Variants in CFAP210 observed in about 807,000 individuals in gnomAD.
CFAP210 encodes the protein cilia- and flagella- associated protein 210.
chr2:169,660,433 T>C, the CFAP210 span, among the ~76,000 whole-genome samples: 7 of 151,598 alleles, frequency 4.6e-5, no homozygotes, highest in African/African-American at 1.7e-4. Context: ...TTTTTTTTGT[T>C]TTGTTTTGTT....
At chr2:169,674,682 C>G in the CFAP210 span, 1 of 1,610,566 alleles carries the variant, frequency 6.2e-7, no homozygotes, top group Non-Finnish European at 8.5e-7. Context: ...AACTGTTCCT[C>G]CCATTTTTTA....
chr2:169,657,732 C>CA, the CFAP210 span, among the ~76,000 whole-genome samples: 55 of 144,878 alleles, frequency 3.8e-4, no homozygotes, highest in South Asian at 1.3e-3. Flanking sequence ...CAAAATGAAA[C>CA]AAAAAAAAAA....
chr2:169,693,675 T>C, the CFAP210 span, among the ~76,000 whole-genome samples: 1 of 152,228 alleles, frequency 6.6e-6, no homozygotes, highest in Non-Finnish European at 1.5e-5. Context: ...CAAATTGTTA[T>C]AACAGGTCAC....
chr2:169,674,021 T>C, the CFAP210 span, among the ~76,000 whole-genome samples: 59 of 152,344 alleles, frequency 3.9e-4, no homozygotes, highest in Non-Finnish European at 6.0e-4. Context: ...TCTACTTCTC[T>C]GTTCCATTAT....
the CFAP210 span, among the ~76,000 whole-genome samples, chr2:169,651,554 C>T: frequency 6.6e-6 from 1 of 151,764 alleles, no homozygotes; most frequent in Admixed American, 6.6e-5. Flanking sequence ...GGGAGTTTCA[C>T]CATGTACCCA....
the CFAP210 span, among the ~76,000 whole-genome samples, chr2:169,684,249 T>G: frequency 6.6e-6 from 1 of 152,086 alleles, no homozygotes; most frequent in African/African-American, 2.4e-5. Flanking sequence ...TACCTAAAAG[T>G]GTCTAAAATC....
chr2:169,666,826 T>G, the CFAP210 span, among the ~76,000 whole-genome samples: 1 of 152,158 alleles, frequency 6.6e-6, no homozygotes. Flanking sequence ...AATCCTTTGC[T>G]GCCATTTGAA....
At chr2:169,676,699 T>C in the CFAP210 span, among the ~76,000 whole-genome samples, 4 of 152,186 alleles carry the variant, frequency 2.6e-5, no homozygotes, top group African/African-American at 9.6e-5. Context: ...ATTATGACCA[T>C]TGTTCCTAAA....
the CFAP210 span, among the ~76,000 whole-genome samples, chr2:169,652,388 G>T: frequency 1.9e-4 from 29 of 152,280 alleles, no homozygotes; most frequent in African/African-American, 6.3e-4. Context: ...TTTATTGATT[G>T]CTTACTATGC....
chr2:169,687,702 G>A, the CFAP210 span, among the ~76,000 whole-genome samples: 1 of 152,178 alleles, frequency 6.6e-6, no homozygotes, highest in African/African-American at 2.4e-5. Flanking sequence ...CAGGCGCATG[G>A]TGCAAGCTGT....
chr2:169,692,171 G>A, the CFAP210 span, among the ~76,000 whole-genome samples: 1 of 152,042 alleles, frequency 6.6e-6, no homozygotes, highest in African/African-American at 2.4e-5. Flanking sequence ...AGCCCCCTAT[G>A]GACATATCAC....
the CFAP210 span, among the ~76,000 whole-genome samples, chr2:169,682,499 C>T: frequency 6.6e-6 from 1 of 152,098 alleles, no homozygotes. Context: ...CACACACACA[C>T]ACACAAACTG....
the CFAP210 span, among the ~76,000 whole-genome samples, chr2:169,682,028 T>C: frequency 6.6e-6 from 1 of 152,222 alleles, no homozygotes; most frequent in Non-Finnish European, 1.5e-5. Context: ...ACCTGAAGCC[T>C]GGAGTTCCTG....
the CFAP210 span, chr2:169,680,979 T>C: frequency 4.5e-6 from 7 of 1,572,482 alleles, no homozygotes; most frequent in South Asian, 2.2e-5. Flanking sequence ...CTTCAGTGCA[T>C]GTGTACTCCT....
chr2:169,666,669 C>T, the CFAP210 span, among the ~76,000 whole-genome samples: 1 of 151,834 alleles, frequency 6.6e-6, no homozygotes, highest in Admixed American at 6.6e-5. Flanking sequence ...TGAAGTTTGC[C>T]ATATTCATTG....
chr2:169,685,000 A>G, the CFAP210 span, among the ~76,000 whole-genome samples: 1 of 152,216 alleles, frequency 6.6e-6, no homozygotes, highest in Non-Finnish European at 1.5e-5. Context: ...CTATAGAAGT[A>G]GCACATTTTG....
chr2:169,665,638 T>A, the CFAP210 span, among the ~76,000 whole-genome samples: 15,205 of 152,242 alleles, frequency 0.1, 967 homozygotes, highest in Middle Eastern at 0.19. Flanking sequence ...ATGGGCAGCC[T>A]ACAACAGAGA....
At chr2:169,650,926 C>T in the CFAP210 span, among the ~76,000 whole-genome samples, 1,349 of 151,602 alleles carry the variant, frequency 8.9e-3, 20 homozygotes, top group African/African-American at 0.031. Context: ...ATGGCAAGAC[C>T]CCATCTCCAC....
chr2:169,664,330 A>G, the CFAP210 span, among the ~76,000 whole-genome samples: 1 of 152,198 alleles, frequency 6.6e-6, no homozygotes, highest in South Asian at 2.1e-4. Context: ...CAGCTTTAGC[A>G]TTTCTTAGCA....
Sources: allele counts gnomAD v4.1 joint callset (sites outside exome capture counted in the v4.1 genomes callset), GRCh38; gene constraint gnomAD v4.1.1; transcripts MANE v1.5; gene names NCBI Gene and HGNC (gene_info 2026-07-23, HGNC 2026-07-21).